Variants in GRM7 observed in about 807,000 individuals in gnomAD.
GRM7 encodes the protein metabotropic glutamate receptor 7.
In GRM7, 35 loss-of-function variants were observed where a neutral mutation model predicts 84.5. The observed-to-expected ratio is 0.41, with a 90% CI of 0.32 to 0.55. The LOEUF (loss-of-function observed/expected upper bound fraction) is 0.55, where lower values mean the gene tolerates loss of function less well. GRM7 is among the 20% of genes least tolerant of loss of function. The probability of loss-of-function intolerance (pLI) is 0.19; values close to 1 mark genes in which losing one functional copy is unlikely to be tolerated. For missense variants in GRM7, 1,003 were observed against 1,194.6 expected (o/e 0.84, Z 2.36); for synonymous variants, 487 against 455.1 (o/e 1.07, Z -0.89).
intron 1 of GRM7, among the ~76,000 whole-genome samples, chr3:6,973,577 AT>A (rs1485815102): frequency 6.6e-6 from 1 of 152,178 alleles, no homozygotes; most frequent in Non-Finnish European, 1.5e-5. Flanking sequence ...GAAAGGAGGA[AT>A]GTGGGTTTCA....
intron 7 of GRM7, among the ~76,000 whole-genome samples, chr3:7,539,244 C>T (rs1411663959): frequency 6.6e-6 from 1 of 152,156 alleles, no homozygotes; most frequent in Non-Finnish European, 1.5e-5. Flanking sequence ...TATTCCCCAG[C>T]CTCTGGCAAG....
intron 4 of GRM7, among the ~76,000 whole-genome samples, chr3:7,334,928 C>G (rs532836030): frequency 6.6e-6 from 1 of 151,956 alleles, no homozygotes; most frequent in African/African-American, 2.4e-5. Flanking sequence ...TACTACTAGA[C>G]CTAAGAAATG....
intron 4 of GRM7, among the ~76,000 whole-genome samples, chr3:7,315,382 C>G (rs763328948): frequency 6.6e-6 from 1 of 152,168 alleles, no homozygotes; most frequent in Non-Finnish European, 1.5e-5. Context: ...AGAACTCTTT[C>G]CAGCTTTTTC....
chr3:7,260,520 A>G (rs1055312354), intron 2 of GRM7, among the ~76,000 whole-genome samples: 1 of 151,986 alleles, frequency 6.6e-6, no homozygotes, highest in East Asian at 1.9e-4. Flanking sequence ...TCTGATGGCT[A>G]TTTGTATTTC....
At chr3:7,304,251 T>A (rs2125030219) in intron 3 of GRM7, among the ~76,000 whole-genome samples, 1 of 150,414 alleles carries the variant, frequency 6.6e-6, no homozygotes, top group Admixed American at 6.6e-5. Context: ...AATGTTAAAA[T>A]TTTAAAGTCT....
intron 1 of GRM7, among the ~76,000 whole-genome samples, chr3:6,959,339 T>C (rs537160377): frequency 5.9e-5 from 9 of 152,312 alleles, no homozygotes; most frequent in African/African-American, 2.2e-4. Context: ...TAATAATAAA[T>C]TTTAAAAGAA....
In GRM7 at chr3:6,907,567, A is replaced by G. The variant is rs559816512; in HGVS notation, c.519+45660A>G. Among the ~76,000 whole-genome samples, 51 of 152,306 alleles carry G rather than the reference A, an allele frequency of 3.3e-4. 2 individuals carry two copies. The East Asian group carries it at 8.1e-3, about 24-fold the overall frequency. On this transcript the variant is annotated intron_variant, in intron 1 of 9. Transcript: ENST00000357716. The stretch of plus-strand genomic sequence containing the variant: ...CGTATCAGGAACCTGAAAATCATAA[A>G]TCATGAAGTGATCTCTACTTATTTC...
intron 5 of GRM7, among the ~76,000 whole-genome samples, chr3:7,447,829 A>G (rs559326033): frequency 1.3e-5 from 2 of 151,740 alleles, no homozygotes; most frequent in Non-Finnish European, 2.9e-5. Flanking sequence ...TACATGTGCC[A>G]TGCTGGTGTG....
At chr3:6,888,031 G>T (rs62235365) in intron 1 of GRM7, among the ~76,000 whole-genome samples, 6 of 152,220 alleles carry the variant, frequency 3.9e-5, no homozygotes, top group South Asian at 2.1e-4. Context: ...AATGTCTTCT[G>T]TTGAGAAGTG....
chr3:7,208,313 A>G (rs956196364), intron 2 of GRM7, among the ~76,000 whole-genome samples: 16 of 152,082 alleles, frequency 1.1e-4, no homozygotes, highest in Non-Finnish European at 1.8e-4. Flanking sequence ...ATGACTGGCC[A>G]TAAGGAGACA....
chr3:7,176,881 T>C (rs1337335938), intron 2 of GRM7, among the ~76,000 whole-genome samples: 1 of 152,228 alleles, frequency 6.6e-6, no homozygotes, highest in East Asian at 1.9e-4. Flanking sequence ...ATTCATGTCA[T>C]GCAAAGTCCT....
intron 4 of GRM7, among the ~76,000 whole-genome samples, chr3:7,321,629 G>A (rs1384771928): frequency 6.7e-6 from 1 of 149,898 alleles, no homozygotes; most frequent in Non-Finnish European, 1.5e-5. Context: ...TTTTCTCCTA[G>A]TCAAATACCA....
chr3:7,488,665 TCCCACTCC>T (rs1699410334), intron 7 of GRM7, among the ~76,000 whole-genome samples: 1 of 152,172 alleles, frequency 6.6e-6, no homozygotes, highest in African/African-American at 2.4e-5. Context: ...TTCTTAGACT[TCCCACTCC>T]CCAGAATCAT....
intron 1 of GRM7, 63 bp from the exon 2 acceptor site, chr3:7,146,389 G>C: frequency 8.2e-7 from 1 of 1,225,498 alleles, no homozygotes; most frequent in African/African-American, 1.5e-5. Flanking sequence ...ACTGTCATAA[G>C]TATAAATGAG....
chr3:6,955,139 G>A (rs1692976604), intron 1 of GRM7, among the ~76,000 whole-genome samples: 1 of 152,150 alleles, frequency 6.6e-6, no homozygotes, highest in Non-Finnish European at 1.5e-5. Context: ...CATAAATTAT[G>A]TCTTTTATTT....
At chr3:7,154,798 C>G (rs1005590038) in intron 2 of GRM7, among the ~76,000 whole-genome samples, 7 of 152,040 alleles carry the variant, frequency 4.6e-5, no homozygotes, top group African/African-American at 1.4e-4. Context: ...AATCAATAAA[C>G]TTTAGGGGCA....
intron 5 of GRM7, among the ~76,000 whole-genome samples, chr3:7,444,944 T>C (rs1269814216): frequency 6.6e-6 from 1 of 151,824 alleles, no homozygotes; most frequent in African/African-American, 2.4e-5. Context: ...AACATTAGGA[T>C]GTTAATGGTT....
intron 2 of GRM7, among the ~76,000 whole-genome samples, chr3:7,291,160 G>A (rs1426782712): frequency 6.6e-6 from 1 of 151,486 alleles, no homozygotes; most frequent in Non-Finnish European, 1.5e-5. Context: ...TAATATTCAG[G>A]AATTTTCTCG....
chr3:6,880,004 A>G (rs1695448962), intron 1 of GRM7, among the ~76,000 whole-genome samples: 1 of 152,224 alleles, frequency 6.6e-6, no homozygotes, highest in African/African-American at 2.4e-5. Flanking sequence ...AACATTTAAA[A>G]GGGGATGTGG....
Sources: allele counts gnomAD v4.1 joint callset (sites outside exome capture counted in the v4.1 genomes callset), GRCh38; gene constraint gnomAD v4.1.1; transcripts MANE v1.5; gene names NCBI Gene and HGNC (gene_info 2026-07-23, HGNC 2026-07-21).